SRGAP1: variants seen among roughly 807,000 people sequenced by gnomAD.
SRGAP1 encodes the protein SLIT-ROBO Rho GTPase-activating protein 1.
In SRGAP1, 43 loss-of-function variants were observed where a neutral mutation model predicts 121.9. That is an observed-to-expected ratio of 0.35 (90% CI 0.28 to 0.46). The LOEUF is 0.46. Among genes scored for constraint, SRGAP1 ranks in the 20% least tolerant of loss-of-function variants. The pLI is 1.00. For synonymous variants in SRGAP1, 447 were observed against 485.4 expected (o/e 0.92, Z 1.04); for missense variants, 1,102 against 1,350.9 (o/e 0.82, Z 2.89).
chr12:63,895,625 A>G (rs933866899), intron 1 of SRGAP1, among the ~76,000 whole-genome samples: 4 of 152,170 alleles, frequency 2.6e-5, no homozygotes, highest in African/African-American at 4.8e-5. Flanking sequence ...GCCTTGTTCT[A>G]TAAGCTGTAA....
chr12:63,920,895 G>GT (rs942788293), intron 1 of SRGAP1, among the ~76,000 whole-genome samples: 16 of 152,122 alleles, frequency 1.1e-4, no homozygotes, highest in Non-Finnish European at 1.6e-4. Flanking sequence ...AAAATGAAAA[G>GT]TTTTTTTAAT....
At chr12:63,921,429 C>T (rs925838348) in intron 1 of SRGAP1, among the ~76,000 whole-genome samples, 2 of 152,128 alleles carry the variant, frequency 1.3e-5, no homozygotes, top group Non-Finnish European at 2.9e-5. Flanking sequence ...TCTCTAGTGC[C>T]ATCTCTAGCT....
At position 64,080,382 on chromosome 12, in the gene SRGAP1, A is replaced by G. The variant is rs751774761; in HGVS notation, c.1408+12A>G. 2 of 1,598,764 alleles carry G rather than the reference A, an allele frequency of 1.3e-6. No homozygotes were observed. The highest frequency in any genetic ancestry group is 1.7e-5 in the Admixed American group (1 of 59,958). On this transcript the variant is annotated intron_variant, in intron 10 of 21. Transcript: ENST00000355086. ...GACCCTGGGAGAAGGTGAGTTATCC[A>G]AAATGTATGGGAAGATGACCTGGAT...
At chr12:64,008,364 GT>G (rs1565635929) in intron 3 of SRGAP1, among the ~76,000 whole-genome samples, 1 of 151,372 alleles carries the variant, frequency 6.6e-6, no homozygotes, top group Non-Finnish European at 1.5e-5. Context: ...CCATAAGAAT[GT>G]TTTTCTTTTT....
At chr12:64,078,261 A>G (rs2035772562) in intron 8 of SRGAP1, among the ~76,000 whole-genome samples, 1 of 152,228 alleles carries the variant, frequency 6.6e-6, no homozygotes, top group African/African-American at 2.4e-5. Context: ...AATAGCCCAC[A>G]ACTAAAAAAA....
chr12:64,124,881 C>G (rs2036663589), intron 18 of SRGAP1, among the ~76,000 whole-genome samples: 1 of 151,958 alleles, frequency 6.6e-6, no homozygotes, highest in African/African-American at 2.4e-5. Context: ...ATGGTGATAT[C>G]TTACAAAACT....
intron 1 of SRGAP1, among the ~76,000 whole-genome samples, chr12:63,873,304 G>A (rs574201269): frequency 6.6e-6 from 1 of 152,206 alleles, no homozygotes; most frequent in South Asian, 2.1e-4. Context: ...GCCGAGGCGG[G>A]TGGATCAACT....
At chr12:64,123,643 GATTTATTTATTTATTTATTT>G (rs140354888) in intron 18 of SRGAP1, among the ~76,000 whole-genome samples, 2 of 141,212 alleles carry the variant, frequency 1.4e-5, no homozygotes, top group Non-Finnish European at 1.5e-5. Context: ...ATTGCTAAAG[GATTTATTTATTTATTTATTT>G]ATTTATTTAT....
At chr12:63,885,919 G>T (rs1378809862) in intron 1 of SRGAP1, among the ~76,000 whole-genome samples, 2 of 152,092 alleles carry the variant, frequency 1.3e-5, no homozygotes, top group Non-Finnish European at 2.9e-5. Flanking sequence ...TAGAATCATC[G>T]GTGGGAAGAA....
intron 6 of SRGAP1, among the ~76,000 whole-genome samples, chr12:64,062,570 G>T (rs932421840): frequency 6.6e-6 from 1 of 151,068 alleles, no homozygotes; most frequent in Admixed American, 6.6e-5. Flanking sequence ...AAGCTGGAGT[G>T]CAGTGGCACT....
intron 1 of SRGAP1, among the ~76,000 whole-genome samples, chr12:63,892,864 A>C (rs547718176): frequency 6.6e-6 from 1 of 151,638 alleles, no homozygotes; most frequent in East Asian, 1.9e-4. Flanking sequence ...ACTGTAGCGC[A>C]TTTAATTAAA....
intron 15 of SRGAP1, among the ~76,000 whole-genome samples, chr12:64,105,597 A>G (rs959820278): frequency 6.6e-6 from 1 of 152,144 alleles, no homozygotes; most frequent in African/African-American, 2.4e-5. Context: ...CAACCTGGAC[A>G]ACGTGGCAAA....
At chr12:63,880,687 TCTC>T (rs1474492653) in intron 1 of SRGAP1, among the ~76,000 whole-genome samples, 1 of 152,184 alleles carries the variant, frequency 6.6e-6, no homozygotes, top group Non-Finnish European at 1.5e-5. Context: ...GTCCTCAGTT[TCTC>T]CTCCATCCCC....
chr12:64,071,627 C>CA (rs1407457247), intron 8 of SRGAP1, among the ~76,000 whole-genome samples: 1 of 152,154 alleles, frequency 6.6e-6, no homozygotes, highest in Non-Finnish European at 1.5e-5. Flanking sequence ...GTCATTAAAT[C>CA]AGAGTCAGGG....
At chr12:63,933,257 A>G (rs2031544404) in intron 1 of SRGAP1, among the ~76,000 whole-genome samples, 1 of 152,060 alleles carries the variant, frequency 6.6e-6, no homozygotes, top group African/African-American at 2.4e-5. Flanking sequence ...AAAGAACCAT[A>G]TGTCCTTGCA....
chr12:63,856,073 C>T (rs556875054), intron 1 of SRGAP1, among the ~76,000 whole-genome samples: 50 of 151,922 alleles, frequency 3.3e-4, no homozygotes, highest in Non-Finnish European at 3.1e-4. Flanking sequence ...GCCTGGCCAA[C>T]ATGGCGAAAC....
chr12:63,868,852 A>C (rs1368595475), intron 1 of SRGAP1, among the ~76,000 whole-genome samples: 2 of 152,170 alleles, frequency 1.3e-5, no homozygotes, highest in East Asian at 3.9e-4. Context: ...CTCTGTTGAG[A>C]AGATCTAGTT....
chr12:63,864,123 T>C (rs1325311616), intron 1 of SRGAP1, among the ~76,000 whole-genome samples: 1 of 152,168 alleles, frequency 6.6e-6, no homozygotes, highest in Non-Finnish European at 1.5e-5. Context: ...CTTAATTTAA[T>C]AGTATTCTCC....
At chr12:64,111,435 A>G (rs1458715717) in intron 16 of SRGAP1, among the ~76,000 whole-genome samples, 1 of 152,190 alleles carries the variant, frequency 6.6e-6, no homozygotes, top group Admixed American at 6.6e-5. Context: ...TGTGTATCCT[A>G]AATTTACTTG....
Sources: gnomAD v4.1 joint callset for allele counts (sites outside exome capture counted in the v4.1 genomes callset) on GRCh38, gnomAD v4.1.1 for gene constraint, MANE v1.5 for transcripts, NCBI Gene and HGNC (gene_info 2026-07-23, HGNC 2026-07-21) for gene names.